Variants in ATP8A1 observed in about 807,000 individuals in gnomAD.
The protein encoded by ATP8A1 is phospholipid-transporting ATPase IA.
In ATP8A1, 90 loss-of-function variants were observed where a neutral mutation model predicts 177.7. That is an observed-to-expected ratio of 0.51 (90% CI 0.43 to 0.60). The LOEUF (loss-of-function observed/expected upper bound fraction) is 0.60. Among genes scored for constraint, ATP8A1 ranks in the 20% least tolerant of loss-of-function variants. The pLI, the probability that ATP8A1 is intolerant of heterozygous loss-of-function variation, is 0.00. For synonymous variants in ATP8A1, 493 were observed against 485.9 expected, an observed-to-expected ratio of 1.01 and a Z score of -0.19; for missense variants, 1,072 against 1,392.8, an observed-to-expected ratio of 0.77 and a Z score of 3.67.
At chr4:42,645,744 A>G (rs1740460102) in intron 1 of ATP8A1, among the ~76,000 whole-genome samples, 1 of 152,188 alleles carries the variant, frequency 6.6e-6, no homozygotes. Flanking sequence ...TTTCTCTAAC[A>G]TTTACCCATG....
intron 9 of ATP8A1, among the ~76,000 whole-genome samples, chr4:42,584,838 A>G (rs1733458914): frequency 6.6e-6 from 1 of 152,198 alleles, no homozygotes; most frequent in African/African-American, 2.4e-5. Context: ...GACCAAACTT[A>G]TAAAGTCCAA....
At chr4:42,472,901 G>C (rs908709408) in intron 25 of ATP8A1, among the ~76,000 whole-genome samples, 5 of 152,050 alleles carry the variant, frequency 3.3e-5, no homozygotes, top group Non-Finnish European at 7.4e-5. Flanking sequence ...AACACAGAGG[G>C]CCCCAAATAA....
intron 6 of ATP8A1, 109 bp from the exon 7 acceptor site, chr4:42,590,993 AAAT>A: frequency 1.0e-6 from 1 of 958,070 alleles, no homozygotes; most frequent in Non-Finnish European, 1.6e-6. Context: ...TTATTATAGA[AAAT>A]AATACATGTT....
At chr4:42,592,135 G>T (rs1465120165) in intron 6 of ATP8A1, among the ~76,000 whole-genome samples, 1 of 152,156 alleles carries the variant, frequency 6.6e-6, no homozygotes, top group Non-Finnish European at 1.5e-5. Flanking sequence ...GGATTGAAAT[G>T]TCTAGCAGCA....
At chr4:42,420,407 G>A (rs1304358071) in intron 35 of ATP8A1, among the ~76,000 whole-genome samples, 3 of 152,240 alleles carry the variant, frequency 2.0e-5, no homozygotes, top group Admixed American at 6.5e-5. Context: ...GAGCGAGGCA[G>A]CAGCAGGGAA....
At chr4:42,580,331 C>T (rs546465803) in intron 10 of ATP8A1, among the ~76,000 whole-genome samples, 4 of 151,884 alleles carry the variant, frequency 2.6e-5, no homozygotes, top group East Asian at 3.9e-4. Flanking sequence ...TTAGTGTTTC[C>T]GTTCAGGAAG....
At chr4:42,446,735 G>A in intron 30 of ATP8A1, 91 bp from the exon 31 acceptor site, 2 of 1,084,154 alleles carry the variant, frequency 1.8e-6, no homozygotes, top group East Asian at 2.7e-5. Context: ...CGAAGGAAGG[G>A]AAATCAAGGG....
chr4:42,453,375 T>C (rs941820273), intron 29 of ATP8A1, among the ~76,000 whole-genome samples: 2 of 152,116 alleles, frequency 1.3e-5, no homozygotes, highest in African/African-American at 4.8e-5. Flanking sequence ...ACTAGAAAAA[T>C]CCATAAACCC....
intron 27 of ATP8A1, chr4:42,459,546 A>C (rs1718859563): frequency 2.9e-6 from 1 of 340,708 alleles, no homozygotes; most frequent in Admixed American, 3.4e-5. Flanking sequence ...GAATGAGAAG[A>C]ACATATAAAT....
At chr4:42,534,113 G>T (rs954473289) in intron 20 of ATP8A1, among the ~76,000 whole-genome samples, 1 of 152,064 alleles carries the variant, frequency 6.6e-6, no homozygotes, top group African/African-American at 2.4e-5. Flanking sequence ...ACAAAACAAG[G>T]TTCTTTAATA....
Position 42,543,908 on chromosome 4 carries a change from A to G in ATP8A1, c.1722+9T>C. 2.5e-6 allele frequency: 4 copies of G among 1,595,200 alleles called. No individual in the cohort carries two copies. Among genetic ancestry groups the G allele is most frequent in the Non-Finnish European group, 1.7e-6 (2 of 1,168,806 alleles). Reference sequence around the variant, plus strand: ...ATTATAACTGTAAAAAATAAAAATAAAAACTTACAGCTCCTTTGCAGTAGA... The same window carrying G: ...ATTATAACTGTAAAAAATAAAAATAGAAACTTACAGCTCCTTTGCAGTAGA... On this transcript the variant is annotated intron_variant, in intron 20 of 36. Transcript: ENST00000381668.
At chr4:42,478,787 G>A (rs1177983829) in intron 25 of ATP8A1, among the ~76,000 whole-genome samples, 3 of 152,178 alleles carry the variant, frequency 2.0e-5, no homozygotes, top group African/African-American at 7.2e-5. Flanking sequence ...GTGTAAGTAT[G>A]TATTGACACC....
chr4:42,580,565 A>C (rs1732929386), intron 10 of ATP8A1, among the ~76,000 whole-genome samples: 1 of 152,252 alleles, frequency 6.6e-6, no homozygotes, highest in African/African-American at 2.4e-5. Flanking sequence ...ACCTGTGCTA[A>C]CCAAAAAATC....
intron 12 of ATP8A1, among the ~76,000 whole-genome samples, chr4:42,577,126 A>T (rs1415976412): frequency 6.6e-6 from 1 of 152,232 alleles, no homozygotes; most frequent in African/African-American, 2.4e-5. Flanking sequence ...TGCTGGGTTC[A>T]TCCAATACTA....
At chr4:42,545,445 A>C (rs1728802587) in intron 19 of ATP8A1, among the ~76,000 whole-genome samples, 1 of 152,124 alleles carries the variant, frequency 6.6e-6, no homozygotes, top group African/African-American at 2.4e-5. Context: ...TGTTACATCA[A>C]AGTAGGTAGA....
chr4:42,531,609 A>C (rs1055962769), intron 20 of ATP8A1, among the ~76,000 whole-genome samples: 4 of 152,236 alleles, frequency 2.6e-5, no homozygotes, highest in African/African-American at 7.2e-5. Flanking sequence ...TACAAATTGG[A>C]AAAGAGGAAG....
chr4:42,551,272 C>A lies in ATP8A1; in HGVS notation c.1528G>T (p.Ala510Ser). ...IYQAASPDEGALVRAAKQLNF... is the reference protein window; with the variant it reads ...IYQAASPDEGSLVRAAKQLNF... Reference sequence around the variant, plus strand: ...AATTGCTTGGCTGCTCTGACCAATGCTCCCTCATCTGTTTTAGAAAAAGAG... The same window carrying A: ...AATTGCTTGGCTGCTCTGACCAATGATCCCTCATCTGTTTTAGAAAAAGAG... Residue 510 changes from alanine (A) to serine (S), a missense_variant, in exon 18 of 37, where the codon GCA becomes TCA. This residue lies in a region of ATP8A1 where 388 missense variants were observed against 471.7 expected (regional missense o/e 0.82). Transcript: ENST00000381668. 1 of 1,613,340 alleles carries A rather than the reference C, an allele frequency of 6.2e-7. No homozygotes were observed. The highest frequency in any genetic ancestry group is 8.5e-7 in the Non-Finnish European group (1 of 1,179,460).
chr4:42,622,918 A>G (rs1297325416), intron 4 of ATP8A1, among the ~76,000 whole-genome samples: 1 of 150,894 alleles, frequency 6.6e-6, no homozygotes, highest in Non-Finnish European at 1.5e-5. Context: ...CTGAGGCAGG[A>G]GAATCGCTTG....
chr4:42,422,751 G>A (rs1362926697), intron 35 of ATP8A1, 56 bp downstream of exon 35: 1 of 1,398,982 alleles, frequency 7.1e-7, no homozygotes, highest in African/African-American at 1.4e-5. Flanking sequence ...CCAACCACTA[G>A]TACAAGATAA....
Sources: allele counts gnomAD v4.1 joint callset (sites outside exome capture counted in the v4.1 genomes callset), GRCh38; gene constraint gnomAD v4.1.1; regional missense constraint gnomAD v4.1.1; transcripts MANE v1.5; gene names NCBI Gene and HGNC (gene_info 2026-07-23, HGNC 2026-07-21).